The following SYNE2 variants were observed in gnomAD, a reference collection of about 807,000 sequenced individuals.
SYNE2 encodes the protein spectrin repeat containing nuclear envelope protein 2.
SYNE2 carries 431 observed loss-of-function variants against 856.3 expected under a neutral mutation model. The ratio of observed to expected loss-of-function variants is 0.50; its 90% CI spans 0.47 to 0.55. SYNE2 has a LOEUF of 0.55. Ranked by LOEUF, SYNE2 falls within the 20% of genes least tolerant of loss-of-function variation. The pLI is 0.00. For missense variants in SYNE2, 8,129 were observed against 8,023.2 expected (o/e 1.01, Z -0.50); for synonymous variants, 2,923 against 2,872.3 (o/e 1.02, Z -0.56).
rs142777639 is a variant in SYNE2, at chr14:64,129,767, T to C, written c.14020-15T>C. 2,196 of 1,614,046 alleles carry C rather than the reference T, an allele frequency of 1.4e-3. 28 individuals carry two copies. In the African/African-American group the frequency reaches 0.024, roughly 18 times the overall value. On this transcript the variant is annotated splice_polypyrimidine_tract_variant and intron_variant, in intron 74 of 115. Coordinates refer to ENST00000555002, the MANE Select transcript of SYNE2 (RefSeq NM_182914.3). Reference sequence around the variant, plus strand: ...TACTGAAGGGTTTTCTTTTCTTGTATTGTCTCTCACTTAGAAAGCAGATGC... The same window carrying C: ...TACTGAAGGGTTTTCTTTTCTTGTACTGTCTCTCACTTAGAAAGCAGATGC...
At chr14:63,881,621 TTATA>T (rs1230530334) in intron 1 of SYNE2, among the ~76,000 whole-genome samples, 2 of 148,754 alleles carry the variant, frequency 1.3e-5, no homozygotes, top group Non-Finnish European at 3.0e-5. Flanking sequence ...ATAATTATAA[TTATA>T]TATATATTTC....
intron 45 of SYNE2, among the ~76,000 whole-genome samples, chr14:64,042,125 A>C (rs1485905535): frequency 6.6e-6 from 1 of 152,214 alleles, no homozygotes; most frequent in Admixed American, 6.5e-5. Context: ...CAGATGAAAA[A>C]TTCATTTTCA....
Position 63,822,699 on chromosome 14 carries a change from C to T in SYNE2, c.-304-29802C>T, listed in dbSNP as rs1398450485. On this transcript the variant is annotated intron_variant, in intron 1 of 23. Coordinates refer to the SYNE2 transcript ENST00000674003. ...TCTAGAATGAATCTTGAGGGTTCTG[C>T]ATAAGCAGGAAGTGAAGGCTAAGGC... Among the ~76,000 whole-genome samples, 3 of 152,214 alleles carry T rather than the reference C, an allele frequency of 2.0e-5. No homozygotes were observed. In the East Asian group the frequency reaches 5.8e-4, roughly 29 times the overall value.
intron 1 of SYNE2, among the ~76,000 whole-genome samples, chr14:63,816,249 A>AAGT (rs946593580): frequency 6.6e-6 from 1 of 151,926 alleles, no homozygotes; most frequent in African/African-American, 2.4e-5. Context: ...GCCTGGCCTA[A>AAGT]ATTATTATTA....
chr14:63,827,218 C>A (rs562879260), intron 1 of SYNE2, among the ~76,000 whole-genome samples: 1 of 149,562 alleles, frequency 6.7e-6, no homozygotes, highest in East Asian at 2.0e-4. Flanking sequence ...GCAGAGGTTG[C>A]AGTGAGCCGA....
At chr14:64,069,944 G>A (rs2097391573) in intron 51 of SYNE2, among the ~76,000 whole-genome samples, 1 of 152,204 alleles carries the variant, frequency 6.6e-6, no homozygotes, top group African/African-American at 2.4e-5. Flanking sequence ...GGCAGGATTT[G>A]ATAAATGAGT....
At chr14:64,049,980 T>A in intron 47 of SYNE2, 104 bp downstream of exon 47, 5 of 1,379,100 alleles carry the variant, frequency 3.6e-6, no homozygotes, top group Non-Finnish European at 5.0e-6. Context: ...GAAAGGAAAT[T>A]ATGATTTTAA....
chr14:63,944,824 CTTTTTTTTTTTTT>C lies in SYNE2; in HGVS notation c.408+2694_408+2706del, dbSNP rs55906748. ...GTGAGCCACCGTGCTGGGCTTAAAG[CTTTTTTTTTTTTT>C]TTTTTTTTTTTTGAAACTTCTGTAT... is the stretch of plus-strand genomic sequence containing the variant. On this transcript the variant is annotated intron_variant, in intron 6 of 115. Transcript: ENST00000555002. Among the ~76,000 whole-genome samples, 67 of 46,948 alleles carry C rather than the reference CTTTTTTTTTTTTT, an allele frequency of 1.4e-3. 1 individual carries two copies. Among genetic ancestry groups the C allele is most frequent in the Admixed American group, 6.0e-3 (19 of 3,144 alleles). The allele number at this position is 46,948 out of a possible 152,430, so 30.8% of individuals were successfully genotyped here.
At position 64,052,328 on chromosome 14, in the gene SYNE2, T is replaced by C; in HGVS notation, c.8415T>C (p.Asn2805=). The C allele has an allele frequency of 6.2e-7, 1 of 1,614,206 alleles. No individual in the cohort carries two copies. Among genetic ancestry groups the C allele is most frequent in the Non-Finnish European group, 8.5e-7 (1 of 1,180,024 alleles). Residue 2805 remains asparagine (N), a synonymous_variant, in exon 48 of 116, where the codon AAT becomes AAC. Coordinates refer to ENST00000555002, the MANE Select transcript of SYNE2 (RefSeq NM_182914.3). ...SLTTYEGSDL[N]NTLEDLRNQY... is the part of the protein sequence containing the mutation. ...CAACCTATGAGGGCAGTGATTTAAA[T>C]AATACCCTAGAGGACTTACGGAATC...
chr14:64,223,458 C>G (rs141532689), intron 113 of SYNE2, 78 bp downstream of exon 113: 174 of 1,544,192 alleles, frequency 1.1e-4, no homozygotes, highest in Admixed American at 1.9e-4. Flanking sequence ...TAGCAATGCT[C>G]TAAGACAGAG....
chr14:63,762,077 A>G, intron 1 of SYNE2: 2 of 484,372 alleles, frequency 4.1e-6, no homozygotes, highest in East Asian at 5.8e-5. Flanking sequence ...TTGACTGTAC[A>G]ATTTGTTCAA....
Position 64,087,752 on chromosome 14 carries a change from G to A in SYNE2, c.11566G>A (p.Glu3856Lys). 6.2e-7 allele frequency: 1 copy of A among 1,614,022 alleles called. No homozygotes were observed. Among genetic ancestry groups the A allele is most frequent in the South Asian group, 1.1e-5 (1 of 91,072 alleles). ...TCTAGAAGACCTGTCAATAATTTTT[G>A]AAACAGATGAATTAACCCAATCCAT... ...MDLEDLSIIF[E>K]TDELTQSIQE... Residue 3856 changes from glutamate to lysine, a missense_variant, in exon 58 of 116, where the codon GAA becomes AAA. Coordinates refer to ENST00000555002, the MANE Select transcript of SYNE2 (RefSeq NM_182914.3).
chr14:63,872,523 A>C (rs1000962721), intron 1 of SYNE2, among the ~76,000 whole-genome samples: 5 of 152,014 alleles, frequency 3.3e-5, no homozygotes, highest in African/African-American at 4.8e-5. Flanking sequence ...TGGGAGGCCG[A>C]GGCGAGTGGA....
intron 57 of SYNE2, among the ~76,000 whole-genome samples, chr14:64,087,092 G>GT (rs1265013177): frequency 4.6e-4 from 2 of 4,362 alleles, no homozygotes; most frequent in Non-Finnish European, 1.7e-3. Context: ...GTGATAATTG[G>GT]TAAAAAAAAA....
chr14:63,849,994 TC>T (rs1890350484), upstream of SYNE2, among the ~76,000 whole-genome samples: 1 of 152,148 alleles, frequency 6.6e-6, no homozygotes, highest in African/African-American at 2.4e-5. Context: ...TAGCAAAGTC[TC>T]TCAGGCAGGC....
chr14:64,062,748 TAG>T lies in SYNE2; in HGVS notation c.10068-2_10068-1del. On this transcript the variant is annotated splice_acceptor_variant, in intron 49 of 115. Transcript: ENST00000555002. LOFTEE classifies it high-confidence loss of function. ...CACTTTTTTTCTAACTGTGACTCAC[TAG>T]GTATCTTGAGAATTACAAATGCTAT... The T allele has an allele frequency of 6.2e-7, 1 of 1,612,850 alleles. No homozygotes were observed. Among genetic ancestry groups the T allele is most frequent in the Non-Finnish European group, 8.5e-7 (1 of 1,178,872 alleles).
intron 8 of SYNE2, among the ~76,000 whole-genome samples, chr14:63,956,648 T>C (rs1163939822): frequency 3.9e-5 from 6 of 152,146 alleles, no homozygotes; most frequent in Admixed American, 3.9e-4. Flanking sequence ...ATGTCTGGGT[T>C]CCATATCCAT....
At chr14:64,145,601 A>T in intron 83 of SYNE2, among the ~76,000 whole-genome samples, 1 of 152,232 alleles carries the variant, frequency 6.6e-6, no homozygotes, top group South Asian at 2.1e-4. Context: ...ATTATGACCT[A>T]ATAAAAAATT....
chr14:64,062,389 G>A (rs1442209037), intron 49 of SYNE2, among the ~76,000 whole-genome samples: 1 of 152,144 alleles, frequency 6.6e-6, no homozygotes, highest in African/African-American at 2.4e-5. Context: ...GCATTAATGG[G>A]TCAAAGATGG....
Sources: allele counts gnomAD v4.1 joint callset (sites outside exome capture counted in the v4.1 genomes callset), GRCh38; gene constraint gnomAD v4.1.1; transcripts MANE v1.5; gene names NCBI Gene and HGNC (gene_info 2026-07-23, HGNC 2026-07-21).